Variants in RCC1L observed in about 807,000 individuals in gnomAD.
RCC1L encodes the protein RCC1-like G exchanging factor-like protein.
Under a neutral mutation model 58.6 loss-of-function variants are expected in RCC1L, and 46 were observed. The observed-to-expected ratio is 0.79, with a 90% CI of 0.62 to 1.00. The LOEUF (loss-of-function observed/expected upper bound fraction) is 1.00, where lower values mean the gene tolerates loss of function less well. Ranked by LOEUF, RCC1L falls within the 50% of genes least tolerant of loss-of-function variation. The pLI is 0.00. For missense variants in RCC1L, 636 were observed against 623.6 expected (o/e 1.02, Z -0.21); for synonymous variants, 281 against 262.9 (o/e 1.07, Z -0.67).
At chr7:75,029,637 C>T (rs1805245389) in intron 10 of RCC1L, among the ~76,000 whole-genome samples, 1 of 152,148 alleles carries the variant, frequency 6.6e-6, no homozygotes, top group Admixed American at 6.5e-5. Flanking sequence ...AGATACCCCG[C>T]CTGGCCAATG....
At chr7:75,047,199 G>A (rs1180493986) in intron 10 of RCC1L, among the ~76,000 whole-genome samples, 3 of 152,070 alleles carry the variant, frequency 2.0e-5, no homozygotes, top group African/African-American at 4.8e-5. Context: ...CTCGTGATCC[G>A]CCCGCCTCGG....
At chr7:75,062,282 C>A (rs1369579672) in intron 5 of RCC1L, among the ~76,000 whole-genome samples, 1 of 152,058 alleles carries the variant, frequency 6.6e-6, no homozygotes, top group Non-Finnish European at 1.5e-5. Flanking sequence ...GTTTGGGCAG[C>A]CAAGGCGGGA....
At chr7:75,059,284 A>G (rs1806198681) in intron 6 of RCC1L, among the ~76,000 whole-genome samples, 1 of 140,816 alleles carries the variant, frequency 7.1e-6, no homozygotes, top group South Asian at 2.3e-4. Context: ...TTTTTTTTTG[A>G]GACGGTCTCA....
rs1366202497 is a variant in RCC1L, at chr7:75,042,494, TC to T, written c.*537del. ...ATCCCAGGCCACGGTGCTTCTAGTGTCCCCCCAGCGAGCTTGCGGTGTGGCA... is the reference window on the plus strand; with the variant it reads ...ATCCCAGGCCACGGTGCTTCTAGTGTCCCCCAGCGAGCTTGCGGTGTGGCA... On this transcript the variant is annotated 3_prime_UTR_variant, in exon 11 of 11. Transcript: ENST00000610322. The T allele has an allele frequency of 2.0e-6, 2 of 990,144 alleles. No homozygotes were observed. Among genetic ancestry groups the T allele is most frequent in the East Asian group, 1.1e-4 (1 of 8,864 alleles). 61.3% of individuals were successfully genotyped at this position (990,144 alleles called of 1,614,324 possible).
chr7:75,047,495 T>G (rs1243910355), intron 10 of RCC1L, among the ~76,000 whole-genome samples: 1 of 152,118 alleles, frequency 6.6e-6, no homozygotes, highest in Non-Finnish European at 1.5e-5. Flanking sequence ...ACTCCTGGCC[T>G]CAAGCAATCC....
intron 10 of RCC1L, among the ~76,000 whole-genome samples, chr7:75,051,546 G>A (rs1217770081): frequency 6.6e-6 from 1 of 151,854 alleles, no homozygotes; most frequent in Non-Finnish European, 1.5e-5. Context: ...CCAAGTAGCT[G>A]GGATTACAGG....
Position 75,028,059 on chromosome 7 carries a change from G to A in RCC1L, c.1338C>T (p.Ser446=), listed in dbSNP as rs1035388369. The A allele has an allele frequency of 2.0e-4, 310 of 1,534,198 alleles. 1 individual carries two copies. In the Admixed American group the frequency reaches 5.2e-3, roughly 26 times the overall value. ...AGAGGAGTGGGCCTGTTGTCTTGGC[G>A]CTGGCGGATGGGGCAGGTGCCTGGC... is the stretch of plus-strand genomic sequence containing the variant. Residue 446 remains serine (S), a synonymous_variant, in exon 11 of 11, where the codon AGC becomes AGT. Coordinates refer to the RCC1L transcript ENST00000614461.
rs1379172837 is a variant in RCC1L at position 75,042,845 on chromosome 7, G to A, written c.*187C>T. On this transcript the variant is annotated 3_prime_UTR_variant, in exon 11 of 11. Coordinates refer to ENST00000610322, the MANE Select transcript of RCC1L (RefSeq NM_030798.5). The stretch of plus-strand genomic sequence containing the variant: ...AGTTCCGCAGGCCTCACCTGCAGCT[G>A]GAGAGGGACCTTGCCCTGATCCTCC... 6.9e-7 allele frequency: 1 copy of A among 1,450,438 alleles called. No individual in the cohort carries two copies. The highest frequency in any genetic ancestry group is 2.5e-5 in the East Asian group (1 of 39,776). 89.8% of individuals were successfully genotyped at this position (1,450,438 alleles called of 1,614,324 possible).
intron 10 of RCC1L, among the ~76,000 whole-genome samples, chr7:75,032,051 C>T (rs1166986950): frequency 1.3e-5 from 2 of 152,216 alleles, no homozygotes; most frequent in African/African-American, 4.8e-5. Context: ...ATTCACACGC[C>T]GTTGCCTCTA....
At chr7:75,052,253 G>A (rs1260310620) in intron 10 of RCC1L, among the ~76,000 whole-genome samples, 1 of 152,176 alleles carries the variant, frequency 6.6e-6, no homozygotes, top group Non-Finnish European at 1.5e-5. Context: ...TCTGTAAACA[G>A]CTTCTAGCGT....
chr7:75,073,776 T>C lies in RCC1L; in HGVS notation c.-39A>G. 1 of 1,493,286 alleles carries C rather than the reference T, an allele frequency of 6.7e-7. No homozygotes were observed. The highest frequency in any genetic ancestry group is 1.3e-5 in the South Asian group (1 of 78,404). The allele number at this position is 1,493,286 out of a possible 1,614,324, so 92.5% of individuals were successfully genotyped here. ...CCTCAGCAGCCTCTGGGCGCCGCCA[T>C]CTTGCGTGACCCTTAACACCAGTCC... On this transcript the variant is annotated 5_prime_UTR_variant, in exon 1 of 11. It removes an upstream start codon present in the reference 5' UTR. Coordinates refer to ENST00000610322, the MANE Select transcript of RCC1L (RefSeq NM_030798.5).
At chr7:75,060,107 T>A (rs1806225004) in intron 6 of RCC1L, among the ~76,000 whole-genome samples, 1 of 152,232 alleles carries the variant, frequency 6.6e-6, no homozygotes, top group African/African-American at 2.4e-5. Context: ...CAGAATGCCA[T>A]ATAGCTAGAA....
intron 2 of RCC1L, among the ~76,000 whole-genome samples, chr7:75,069,608 C>T (rs1405693359): frequency 5.3e-5 from 8 of 152,150 alleles, no homozygotes; most frequent in African/African-American, 1.9e-4. Flanking sequence ...GTCACCCAAG[C>T]TGGAGTGTAG....
rs1305553223 is a variant in RCC1L at position 75,058,663 on chromosome 7, C to A, written c.894G>T (p.Val298=). Residue 298 remains valine (V), a synonymous_variant, in exon 7 of 11, where the codon GTG becomes GTT. Coordinates refer to ENST00000610322, the MANE Select transcript of RCC1L (RefSeq NM_030798.5). ...AACCAAAAAGTCCTCCGTCGGCGGA[C>A]ACGGCCAGGCAGCAATCACCGTAGG... is the stretch of plus-strand genomic sequence containing the variant. The part of the protein sequence containing the change: ...VATYGDCCLA[V]SADGGLFGWG... The A allele has an allele frequency of 6.2e-7, 1 of 1,613,824 alleles. No homozygotes were observed.
chr7:75,046,291 C>T (rs891009194), intron 10 of RCC1L, among the ~76,000 whole-genome samples: 6 of 152,212 alleles, frequency 3.9e-5, no homozygotes, highest in Non-Finnish European at 7.3e-5. Context: ...AGAGGCTGGC[C>T]GGAGAAGAAA....
At chr7:75,056,419 C>T in intron 8 of RCC1L, 1 of 1,131,136 alleles carries the variant, frequency 8.8e-7, no homozygotes, top group Non-Finnish European at 1.2e-6. Context: ...AGGATGTTTT[C>T]TCCCCCTAAT....
chr7:75,069,418 G>A (rs781818317), intron 2 of RCC1L, among the ~76,000 whole-genome samples: 3 of 148,888 alleles, frequency 2.0e-5, no homozygotes, highest in African/African-American at 5.0e-5. Context: ...GTTGCCCAGC[G>A]TGGTCTGGAA....
At chr7:75,056,797 C>A in intron 8 of RCC1L, 1 of 1,381,686 alleles carries the variant, frequency 7.2e-7, no homozygotes, top group Non-Finnish European at 9.9e-7. Flanking sequence ...ATCTTCTAAT[C>A]CAATGCCATC....
Position 75,035,274 on chromosome 7 carries a change from G to A in RCC1L, c.1318-7195C>T, listed in dbSNP as rs1805411483. 2.6e-5 allele frequency among the ~76,000 whole-genome samples: 4 copies of A among 152,130 alleles called. No individual in the cohort carries two copies. In the East Asian group the frequency reaches 5.8e-4, roughly 22 times the overall value. On this transcript the variant is annotated intron_variant, in intron 10 of 10. Transcript: ENST00000614461. ...TCGAACTCATGACCTCAAGTGATCC[G>A]CCCGCCTCGGCCTCCCAAAGTACTG...
Sources: gnomAD v4.1 joint callset for allele counts (sites outside exome capture counted in the v4.1 genomes callset) on GRCh38, gnomAD v4.1.1 for gene constraint, MANE v1.5 for transcripts, NCBI Gene and HGNC (gene_info 2026-07-23, HGNC 2026-07-21) for gene names.